MAML3: variants seen among roughly 807,000 people sequenced by gnomAD.
MAML3 encodes the protein mastermind like transcriptional coactivator 3, also known as mastermind-like protein 3.
Under a neutral mutation model 101.9 loss-of-function variants are expected in MAML3, and 27 were observed. That is an observed-to-expected ratio of 0.27 (90% CI 0.20 to 0.37). The LOEUF (loss-of-function observed/expected upper bound fraction) is 0.37. Ranked by LOEUF, MAML3 falls within the 10% of genes least tolerant of loss-of-function variation. The pLI is 1.00. For missense variants in MAML3, 1,316 were observed against 1,444.9 expected (o/e 0.91, Z 1.45); for synonymous variants, 501 against 555.9 (o/e 0.90, Z 1.39).
At chr4:140,113,862 G>A (rs934116155) in intron 1 of MAML3, among the ~76,000 whole-genome samples, 2 of 152,170 alleles carry the variant, frequency 1.3e-5, no homozygotes, top group African/African-American at 4.8e-5. Flanking sequence ...ACAGGTGTAA[G>A]CAATGCTGCT....
chr4:139,721,598 A>C (rs1728236854), intron 4 of MAML3, among the ~76,000 whole-genome samples: 1 of 152,148 alleles, frequency 6.6e-6, no homozygotes, highest in Non-Finnish European at 1.5e-5. Context: ...TGGGCTGCAA[A>C]TATGTCTCCA....
At position 139,832,094 on chromosome 4, in the gene MAML3, C is replaced by CTTTTTTTTTTTTTTTTTT. The variant is rs70943444; in HGVS notation, c.2079+57245_2079+57262dup. 2.8e-3 allele frequency among the ~76,000 whole-genome samples: 181 copies of CTTTTTTTTTTTTTTTTTT among 64,688 alleles called. 24 individuals carry two copies. The highest frequency in any genetic ancestry group is 5.1e-3 in the Non-Finnish European group (152 of 29,890). The allele number at this position is 64,688 out of a possible 152,430, so 42.4% of individuals were successfully genotyped here. ...AGGCGTGAGCCATCATGCCCAGCCC[C>CTTTTTTTTTTTTTTTTTT]TTTTTTTTTTTTTTTTTTTTTTTTT... On this transcript the variant is annotated intron_variant, in intron 2 of 4. Coordinates refer to ENST00000509479, the MANE Select transcript of MAML3 (RefSeq NM_018717.5).
chr4:139,801,749 A>C (rs1730613437), intron 2 of MAML3, among the ~76,000 whole-genome samples: 1 of 151,924 alleles, frequency 6.6e-6, no homozygotes. Flanking sequence ...TTTGGAACTT[A>C]CGGGTAGCAG....
intron 1 of MAML3, among the ~76,000 whole-genome samples, chr4:140,106,544 GCTTT>G (rs1400592024): frequency 2.0e-5 from 3 of 152,150 alleles, no homozygotes; most frequent in African/African-American, 7.2e-5. Context: ...CCTTAACTCT[GCTTT>G]CTTATTTAAA....
At chr4:140,027,018 C>T (rs1726836944) in intron 1 of MAML3, among the ~76,000 whole-genome samples, 2 of 151,484 alleles carry the variant, frequency 1.3e-5, no homozygotes, top group Admixed American at 6.6e-5. Flanking sequence ...AAAAACAGTA[C>T]CTAGTAGTTT....
intron 2 of MAML3, among the ~76,000 whole-genome samples, chr4:139,804,635 G>T (rs1253373903): frequency 6.6e-6 from 1 of 152,036 alleles, no homozygotes; most frequent in Admixed American, 6.6e-5. Flanking sequence ...TGATTTTTAA[G>T]GTCTGCTTAT....
chr4:140,111,395 T>A (rs1728437164), intron 1 of MAML3, among the ~76,000 whole-genome samples: 2 of 152,216 alleles, frequency 1.3e-5, no homozygotes, highest in Admixed American at 6.5e-5. Context: ...CTACAGGATA[T>A]CACAGATAGA....
chr4:139,748,203 A>G (rs540687792), intron 2 of MAML3, among the ~76,000 whole-genome samples: 1 of 152,104 alleles, frequency 6.6e-6, no homozygotes, highest in Non-Finnish European at 1.5e-5. Flanking sequence ...ATCTCTTTAC[A>G]TTGTCCAGGG....
chr4:140,090,902 T>C (rs530497895), intron 1 of MAML3, among the ~76,000 whole-genome samples: 1 of 152,140 alleles, frequency 6.6e-6, no homozygotes, highest in African/African-American at 2.4e-5. Context: ...ATACAAAAAT[T>C]AGCCAGGCAT....
chr4:139,965,279 G>A (rs1333143614), intron 1 of MAML3, among the ~76,000 whole-genome samples: 1 of 149,886 alleles, frequency 6.7e-6, no homozygotes, highest in African/African-American at 2.5e-5. Context: ...GGATTTTCAT[G>A]ACACAAACAT....
At chr4:140,051,889 C>A (rs897019970) in intron 1 of MAML3, among the ~76,000 whole-genome samples, 16 of 152,234 alleles carry the variant, frequency 1.1e-4, no homozygotes, top group African/African-American at 3.9e-4. Context: ...ATTTAAAGCC[C>A]GTGACTTAGC....
At chr4:139,804,740 C>T (rs1303492946) in intron 2 of MAML3, among the ~76,000 whole-genome samples, 1 of 152,138 alleles carries the variant, frequency 6.6e-6, no homozygotes, top group Non-Finnish European at 1.5e-5. Flanking sequence ...AGTAGTAGGA[C>T]ACTATTTACA....
chr4:139,751,877 T>C (rs764856677), intron 2 of MAML3, among the ~76,000 whole-genome samples: 28 of 152,184 alleles, frequency 1.8e-4, no homozygotes, highest in Non-Finnish European at 3.7e-4. Flanking sequence ...GCATGTAAGG[T>C]TACAGTATAG....
chr4:140,107,520 T>C, intron 1 of MAML3, among the ~76,000 whole-genome samples: 1 of 151,828 alleles, frequency 6.6e-6, no homozygotes. Flanking sequence ...TTTTTTTTTT[T>C]TTGAGACAGA....
chr4:139,797,647 C>T (rs1345275565), intron 2 of MAML3, among the ~76,000 whole-genome samples: 1 of 152,014 alleles, frequency 6.6e-6, no homozygotes, highest in Admixed American at 6.6e-5. Flanking sequence ...GAAATACATA[C>T]TCTGTATATA....
chr4:139,967,806 C>T (rs1734163811), intron 1 of MAML3, among the ~76,000 whole-genome samples: 1 of 152,062 alleles, frequency 6.6e-6, no homozygotes, highest in African/African-American at 2.4e-5. Flanking sequence ...TCAGATCTCA[C>T]TCTGTATTGT....
chr4:140,049,221 C>T (rs1456127173), intron 1 of MAML3, among the ~76,000 whole-genome samples: 1 of 152,204 alleles, frequency 6.6e-6, no homozygotes, highest in African/African-American at 2.4e-5. Flanking sequence ...CCCATTCTTT[C>T]TTCCCTCTTC....
chr4:139,836,314 C>T (rs1002356902), intron 2 of MAML3, among the ~76,000 whole-genome samples: 3 of 152,156 alleles, frequency 2.0e-5, no homozygotes, highest in Admixed American at 6.5e-5. Flanking sequence ...ACCCGCCTAT[C>T]GTCTGCCAGC....
intron 2 of MAML3, among the ~76,000 whole-genome samples, chr4:139,812,110 C>T (rs926566131): frequency 6.6e-6 from 1 of 152,120 alleles, no homozygotes; most frequent in African/African-American, 2.4e-5. Flanking sequence ...ACAAAACTAG[C>T]TGGGTGTGGT....
Sources: gnomAD v4.1 joint callset for allele counts (sites outside exome capture counted in the v4.1 genomes callset) on GRCh38, gnomAD v4.1.1 for gene constraint, MANE v1.5 for transcripts, NCBI Gene and HGNC (gene_info 2026-07-23, HGNC 2026-07-21) for gene names.